The following EPHA3 variants were observed in gnomAD, a reference collection of about 807,000 sequenced individuals.
EPHA3 encodes ephrin type-A receptor 3.
Under a neutral mutation model 107.1 loss-of-function variants are expected in EPHA3, and 42 were observed. The ratio of observed to expected loss-of-function variants is 0.39; its 90% confidence interval spans 0.31 to 0.51. EPHA3 has a LOEUF of 0.51. Among genes scored for constraint, EPHA3 ranks in the 20% least tolerant of loss-of-function variants. The pLI is 0.78. For missense variants in EPHA3, 1,183 were observed against 1,211.2 expected (o/e 0.98, Z 0.35); for synonymous variants, 461 against 424.8 (o/e 1.09, Z -1.05).
At chr3:89,452,331 T>C (rs987833288) in intron 15 of EPHA3, among the ~76,000 whole-genome samples, 11 of 152,188 alleles carry the variant, frequency 7.2e-5, no homozygotes, top group Non-Finnish European at 1.5e-4. Flanking sequence ...CATGCCAATG[T>C]TCCCTTTCTC....
At chr3:89,311,858 G>A (rs1706773529) in intron 3 of EPHA3, among the ~76,000 whole-genome samples, 2 of 151,958 alleles carry the variant, frequency 1.3e-5, no homozygotes, top group Non-Finnish European at 2.9e-5. Context: ...GGAATATTTT[G>A]TATTTAATGT....
At chr3:89,279,070 T>C (rs1424488675) in intron 3 of EPHA3, among the ~76,000 whole-genome samples, 1 of 152,178 alleles carries the variant, frequency 6.6e-6, no homozygotes, top group Non-Finnish European at 1.5e-5. Flanking sequence ...TGTGGATCAT[T>C]TAAATTCTAA....
At chr3:89,167,358 A>G (rs1705096306) in intron 2 of EPHA3, among the ~76,000 whole-genome samples, 2 of 152,250 alleles carry the variant, frequency 1.3e-5, no homozygotes, top group South Asian at 4.1e-4. Flanking sequence ...ATTCTCTTTA[A>G]TATTTTCTAT....
intron 2 of EPHA3, among the ~76,000 whole-genome samples, chr3:89,197,064 ACTC>A (rs1053754337): frequency 6.6e-6 from 1 of 151,994 alleles, no homozygotes; most frequent in Admixed American, 6.6e-5. Context: ...AGATCATGTC[ACTC>A]CTCTATTCAA....
intron 2 of EPHA3, among the ~76,000 whole-genome samples, chr3:89,208,430 GAAAGAAAGA>G (rs1559600812): frequency 4.8e-4 from 43 of 88,848 alleles, no homozygotes; most frequent in East Asian, 1.4e-3. Flanking sequence ...AAGGAAGAAA[GAAAGAAAGA>G]AAGAAAGAAA....
chr3:89,209,852 T>C lies in EPHA3; in HGVS notation c.154-8T>C. Reference sequence around the variant, plus strand: ...TGCCTCACTCTCTGTTTCTCTTTGATTCTTCAGTGGGAAGAGATCAGTGGT... The same window carrying C: ...TGCCTCACTCTCTGTTTCTCTTTGACTCTTCAGTGGGAAGAGATCAGTGGT... On this transcript the variant is annotated splice_region_variant and splice_polypyrimidine_tract_variant and intron_variant, in intron 2 of 16. Transcript: ENST00000336596. 2 of 1,572,898 alleles carry C rather than the reference T, an allele frequency of 1.3e-6. No homozygotes were observed. The highest frequency in any genetic ancestry group is 1.8e-5 in the Admixed American group (1 of 54,532).
intron 9 of EPHA3, among the ~76,000 whole-genome samples, chr3:89,412,068 A>AG (rs1426570718): frequency 6.6e-6 from 1 of 151,904 alleles, no homozygotes; most frequent in Non-Finnish European, 1.5e-5. Context: ...GATATACCAT[A>AG]GGAGTTACAT....
At chr3:89,276,630 T>C (rs1200930649) in intron 3 of EPHA3, among the ~76,000 whole-genome samples, 1 of 152,090 alleles carries the variant, frequency 6.6e-6, no homozygotes, top group African/African-American at 2.4e-5. Context: ...TCCTCTTAGA[T>C]GTTATTTGGG....
At chr3:89,298,886 G>C (rs540098994) in intron 3 of EPHA3, among the ~76,000 whole-genome samples, 59 of 152,114 alleles carry the variant, frequency 3.9e-4, no homozygotes, top group African/African-American at 1.3e-3. Context: ...TATATGTTTA[G>C]AGACCCCTTC....
At chr3:89,342,861 A>G (rs1485077211) in intron 5 of EPHA3, among the ~76,000 whole-genome samples, 1 of 129,674 alleles carries the variant, frequency 7.7e-6, no homozygotes, top group Non-Finnish European at 1.6e-5. Context: ...TTACACATAC[A>G]CACACACACA....
chr3:89,215,280 C>T (rs541326261), intron 3 of EPHA3, among the ~76,000 whole-genome samples: 3 of 151,916 alleles, frequency 2.0e-5, no homozygotes, highest in African/African-American at 7.2e-5. Context: ...TACTGGAAAT[C>T]TGTGATCAAA....
chr3:89,344,962 A>G (rs1370023988), intron 5 of EPHA3, among the ~76,000 whole-genome samples: 3 of 151,414 alleles, frequency 2.0e-5, no homozygotes, highest in African/African-American at 7.2e-5. Flanking sequence ...TGAATCCATC[A>G]GTCAAGTAAA....
chr3:89,141,094 T>A (rs1704422271), intron 2 of EPHA3, among the ~76,000 whole-genome samples: 1 of 151,534 alleles, frequency 6.6e-6, no homozygotes, highest in Admixed American at 6.6e-5. Context: ...AATCAGACAA[T>A]CTGATTCCCA....
chr3:89,219,688 G>GC (rs1704305328), intron 3 of EPHA3, among the ~76,000 whole-genome samples: 1 of 34,440 alleles, frequency 2.9e-5, no homozygotes, highest in African/African-American at 1.2e-4. Context: ...ATTTGGCAAT[G>GC]TTTTTTTTTT....
intron 2 of EPHA3, among the ~76,000 whole-genome samples, chr3:89,139,664 G>A (rs1366269112): frequency 2.6e-5 from 4 of 151,824 alleles, no homozygotes; most frequent in East Asian, 3.9e-4. Context: ...AGAAGCGGCA[G>A]CGACTATAGA....
chr3:89,282,977 T>C (rs1228141096), intron 3 of EPHA3, among the ~76,000 whole-genome samples: 1 of 152,150 alleles, frequency 6.6e-6, no homozygotes, highest in Non-Finnish European at 1.5e-5. Context: ...TACTAATCTT[T>C]GTATAAATAT....
chr3:89,286,497 G>A (rs547512905), intron 3 of EPHA3, among the ~76,000 whole-genome samples: 1 of 152,184 alleles, frequency 6.6e-6, no homozygotes, highest in East Asian at 1.9e-4. Flanking sequence ...AGAGATTATG[G>A]AGTCTTGGAC....
intron 5 of EPHA3, among the ~76,000 whole-genome samples, chr3:89,344,202 A>G (rs1707592525): frequency 6.6e-6 from 1 of 152,202 alleles, no homozygotes; most frequent in Non-Finnish European, 1.5e-5. Context: ...TGGCTTTCTG[A>G]CAATGCATTT....
chr3:89,301,965 G>A, intron 3 of EPHA3, among the ~76,000 whole-genome samples: 1 of 151,904 alleles, frequency 6.6e-6, no homozygotes, highest in East Asian at 1.9e-4. Context: ...AAGTAAAGAA[G>A]GGAAAATAAA....
Sources: allele counts gnomAD v4.1 joint callset (sites outside exome capture counted in the v4.1 genomes callset), GRCh38; gene constraint gnomAD v4.1.1; transcripts MANE v1.5; gene names NCBI Gene and HGNC (gene_info 2026-07-23, HGNC 2026-07-21).